MYH14: variants seen among roughly 807,000 people sequenced by gnomAD.
MYH14 encodes the protein myosin heavy chain 14, also known as myosin-14.
In MYH14, 123 loss-of-function variants were observed where a neutral mutation model predicts 255.5. That is an observed-to-expected ratio of 0.48 (90% CI 0.42 to 0.56). The LOEUF is 0.56. MYH14 is among the 20% of genes least tolerant of loss of function. MYH14 has a pLI of 0.00. For missense variants in MYH14, 2,423 were observed against 2,802.3 expected (o/e 0.86, Z 3.06); for synonymous variants, 1,095 against 1,161.2 (o/e 0.94, Z 1.16).
intron 33 of MYH14, chr19:50,285,885 A>T (rs1179144456): frequency 6.6e-6 from 1 of 152,188 alleles, no homozygotes; most frequent in Non-Finnish European, 1.5e-5. Flanking sequence ...TACTAATTTC[A>T]TCCAGTGACT....
intron 42 of MYH14, 46 bp from the exon 43 acceptor site, chr19:50,309,584 TCCTCCCCTCC>T (rs1234346437): frequency 7.9e-5 from 78 of 984,130 alleles, no homozygotes; most frequent in Non-Finnish European, 1.1e-4. Flanking sequence ...TCCCCCTTTC[TCCTCCCCTCC>T]CCTCCCCTCA....
chr19:50,235,128 T>C (rs1244803668), intron 10 of MYH14, among the ~76,000 whole-genome samples: 1 of 152,028 alleles, frequency 6.6e-6, no homozygotes, highest in African/African-American at 2.4e-5. Flanking sequence ...TCCCAACAGT[T>C]TGGGAGGCCG....
chr19:50,298,354 T>C (rs1190772479), intron 39 of MYH14, among the ~76,000 whole-genome samples: 1 of 151,416 alleles, frequency 6.6e-6, no homozygotes, highest in Non-Finnish European at 1.5e-5. Context: ...CAAATTATGA[T>C]CAAGGAACCA....
At chr19:50,212,088 G>A (rs924766517) in intron 2 of MYH14, among the ~76,000 whole-genome samples, 2 of 152,174 alleles carry the variant, frequency 1.3e-5, no homozygotes, top group African/African-American at 2.4e-5. Context: ...TTGGAGGTTC[G>A]TTGCATTTTT....
rs1217469153 is a variant in MYH14 at position 50,207,432 on chromosome 19, G to A, written c.-3-2931G>A. Among the ~76,000 whole-genome samples the A allele has an allele frequency of 6.6e-5, 10 of 152,186 alleles. No homozygotes were observed. In the East Asian group the frequency reaches 1.9e-3, roughly 29 times the overall value. On this transcript the variant is annotated intron_variant, in intron 1 of 42. Coordinates refer to ENST00000642316, the MANE Select transcript of MYH14 (RefSeq NM_001145809.2). ...ACTACTGCCCATGGCCCGCTGGATGGTGGGAGGGGCCTAACACATTCTAGT... is the reference window on the plus strand; with the variant it reads ...ACTACTGCCCATGGCCCGCTGGATGATGGGAGGGGCCTAACACATTCTAGT...
Position 50,210,767 on chromosome 19 carries a change from C to A in MYH14, c.402C>A (p.Ile134=). 6.4e-7 allele frequency: 1 copy of A among 1,568,506 alleles called. No individual in the cohort carries two copies. The highest frequency in any genetic ancestry group is 8.6e-7 in the Non-Finnish European group (1 of 1,158,742). ...GGGAGCGGTACTACTCCGGCCTCATCTACGTGAGTGGGCTCCTGCTGGGGG... is the reference window on the plus strand; with the variant it reads ...GGGAGCGGTACTACTCCGGCCTCATATACGTGAGTGGGCTCCTGCTGGGGG... ...NLRERYYSGL[I]YTYSGLFCVV... The change falls in exon 2 of 43, where the codon ATC becomes ATA. Residue 134 remains isoleucine (I), a synonymous_variant. Coordinates refer to ENST00000642316, the MANE Select transcript of MYH14 (RefSeq NM_001145809.2).
intron 6 of MYH14, chr19:50,224,835 T>C: frequency 2.2e-6 from 1 of 456,472 alleles, no homozygotes; most frequent in South Asian, 1.5e-5. Context: ...CTGGGTTTGG[T>C]GGCTCAGGTC....
At chr19:50,265,373 A>G (rs1404895497) in intron 22 of MYH14, among the ~76,000 whole-genome samples, 1 of 151,900 alleles carries the variant, frequency 6.6e-6, no homozygotes, top group Non-Finnish European at 1.5e-5. Flanking sequence ...ACAAAAACAA[A>G]AACTGGGTGT....
In MYH14 at chr19:50,280,120, A is replaced by C. The variant is rs778295018; in HGVS notation, c.4116A>C (p.Glu1372Asp). 6.2e-7 allele frequency: 1 copy of C among 1,606,944 alleles called. No individual in the cohort carries two copies. The change falls in exon 31 of 43, where the codon GAA (glutamate) becomes GAC (aspartate). Residue 1372 changes from glutamate to aspartate, a missense_variant. Glu to Asp is a conservative substitution (Grantham distance 45). Transcript: ENST00000642316. The surrounding 1 kb of genome is among the most constrained non-coding windows in gnomAD (Gnocchi z 4.8). ...TTAGCAAGGAGCTGAGCAGCACAGA[A>C]GCCCAGCTGCACGATGCCCAGGTGA... is the stretch of plus-strand genomic sequence containing the variant. ...IRLSKELSST[E>D]AQLHDAQELL...
chr19:50,286,748 T>C (rs1225029692), intron 34 of MYH14, 54 bp downstream of exon 34: 30 of 1,451,230 alleles, frequency 2.1e-5, no homozygotes, highest in Non-Finnish European at 2.8e-5. Flanking sequence ...GACACGTACA[T>C]GCATGTATGC....
intron 41 of MYH14, 137 bp from the exon 42 acceptor site, chr19:50,308,867 CA>C: frequency 2.4e-6 from 2 of 850,908 alleles, no homozygotes; most frequent in South Asian, 3.7e-5. Context: ...GAGAAAAGAA[CA>C]AGGCCTAAAC....
At chr19:50,272,471 A>T (rs963743231) in intron 26 of MYH14, 89 bp from the exon 27 acceptor site, 8 of 1,376,820 alleles carry the variant, frequency 5.8e-6, no homozygotes, top group Non-Finnish European at 8.1e-6. Flanking sequence ...GCTTAGCCTT[A>T]TATGTGACTG....
intron 10 of MYH14, among the ~76,000 whole-genome samples, chr19:50,232,717 G>A (rs375465252): frequency 2.6e-5 from 4 of 151,798 alleles, no homozygotes; most frequent in African/African-American, 4.8e-5. Flanking sequence ...ATGTTTGAAC[G>A]AAGTCCTGAG....
intron 3 of MYH14, among the ~76,000 whole-genome samples, chr19:50,222,248 AG>A (rs955484498): frequency 2.6e-5 from 4 of 152,094 alleles, no homozygotes; most frequent in African/African-American, 9.7e-5. Flanking sequence ...TGGGAGGCCG[AG>A]GCCGGTGGAT....
rs751876589 is a variant in MYH14 at position 50,250,583 on chromosome 19, G to A, written c.1725G>A (p.Ser575=). ...GGTTCCCGAAGGCCACAGACAAGTCGTTTGTGGAGAAGGTAGCCCAGGAGC... is the reference window on the plus strand; with the variant it reads ...GGTTCCCGAAGGCCACAGACAAGTCATTTGTGGAGAAGGTAGCCCAGGAGC... ...ECWFPKATDK[S]FVEKVAQEQG... is the part of the protein sequence containing the mutation. Residue 575 remains serine, a synonymous_variant, in exon 15 of 43, where the codon TCG becomes TCA. Transcript: ENST00000642316. The surrounding 1 kb of genome is among the most constrained non-coding windows in gnomAD (Gnocchi z 5.4). The A allele has an allele frequency of 1.0e-4, 166 of 1,613,948 alleles. No individual in the cohort carries two copies. The highest frequency in any genetic ancestry group is 3.3e-4 in the South Asian group (30 of 91,074).
chr19:50,250,609 A>G lies in MYH14; in HGVS notation c.1751A>G (p.Gln584Arg). 2.5e-6 allele frequency: 4 copies of G among 1,614,042 alleles called. No homozygotes were observed. The highest frequency in any genetic ancestry group is 3.4e-6 in the Non-Finnish European group (4 of 1,179,914). The change falls in exon 15 of 43, where the codon CAG becomes CGG. Residue 584 changes from glutamine (Q) to arginine (R), a missense_variant. Coordinates refer to ENST00000642316, the MANE Select transcript of MYH14 (RefSeq NM_001145809.2). The surrounding 1 kb of genome is among the most constrained non-coding windows in gnomAD (Gnocchi z 5.4). The stretch of plus-strand genomic sequence containing the variant: ...TTTGTGGAGAAGGTAGCCCAGGAGC[A>G]GGGCGGCCACCCCAAGTTCCAGCGG... ...KSFVEKVAQE[Q>R]GGHPKFQRPR...
In MYH14 at chr19:50,276,196, G is replaced by A; in HGVS notation, c.3673G>A (p.Glu1225Lys). Residue 1225 changes from glutamate (E) to lysine (K), a missense_variant, in exon 28 of 43, where the codon GAG (glutamate) becomes AAG (lysine). Physicochemically the swap from Glu to Lys is moderately conservative, Grantham distance 56 (BLOSUM62 1). Transcript: ENST00000642316. The surrounding 1 kb of genome is among the most constrained non-coding windows in gnomAD (Gnocchi z 4.3). ...GCTGGACTCCACCAACGCACAGCAG[G>A]AGCTCCGGTGAGGCCCGGTGGCAGG... ...DTLDSTNAQQ[E>K]LRSKREQEVT... 1 of 1,540,046 alleles carries A rather than the reference G, an allele frequency of 6.5e-7. No individual in the cohort carries two copies. The highest frequency in any genetic ancestry group is 8.8e-7 in the Non-Finnish European group (1 of 1,142,106).
intron 10 of MYH14, among the ~76,000 whole-genome samples, chr19:50,243,137 A>G (rs934258608): frequency 6.6e-6 from 1 of 152,160 alleles, no homozygotes. Context: ...CAAAATGCAC[A>G]TAAAACAAGG....
At chr19:50,243,432 G>A (rs1026242951) in intron 10 of MYH14, among the ~76,000 whole-genome samples, 1 of 151,032 alleles carries the variant, frequency 6.6e-6, no homozygotes, top group South Asian at 2.1e-4. Flanking sequence ...ATGAGACTCC[G>A]TCTCAAAAAA....
Sources: gnomAD v4.1 joint callset for allele counts (sites outside exome capture counted in the v4.1 genomes callset) on GRCh38, gnomAD v4.1.1 for gene constraint, Gnocchi (gnomAD v3.1) non-coding constraint, MANE v1.5 for transcripts, NCBI Gene and HGNC (gene_info 2026-07-23, HGNC 2026-07-21) for gene names.